Variants in VIPR2 observed in about 807,000 individuals in gnomAD.
The protein encoded by VIPR2 is vasoactive intestinal peptide receptor 2, also known as vasoactive intestinal polypeptide receptor 2.
Under a neutral mutation model 58.0 loss-of-function variants are expected in VIPR2, and 48 were observed. The observed-to-expected ratio is 0.83, with a 90% CI of 0.66 to 1.05. The LOEUF (loss-of-function observed/expected upper bound fraction) is 1.05, where lower values mean the gene tolerates loss of function less well. VIPR2 is among the 50% of genes least tolerant of loss of function. The pLI is 0.00. For missense variants in VIPR2, 534 were observed against 558.0 expected (o/e 0.96, Z 0.43); for synonymous variants, 243 against 235.2 (o/e 1.03, Z -0.30).
chr7:159,048,801 G>T (rs1375184585), intron 5 of VIPR2, among the ~76,000 whole-genome samples: 1 of 152,044 alleles, frequency 6.6e-6, no homozygotes, highest in Admixed American at 6.5e-5. Flanking sequence ...TCCTCTTTGG[G>T]CTGGCACCTG....
At chr7:159,125,821 C>G (rs1001544386) in intron 2 of VIPR2, among the ~76,000 whole-genome samples, 22 of 152,106 alleles carry the variant, frequency 1.4e-4, no homozygotes, top group Admixed American at 2.6e-4. Context: ...GAGCAAGGGC[C>G]CCACGGTGTC....
At chr7:159,073,510 C>T (rs939866998) in intron 4 of VIPR2, among the ~76,000 whole-genome samples, 14 of 152,138 alleles carry the variant, frequency 9.2e-5, no homozygotes, top group East Asian at 3.9e-4. Context: ...CTCTGCCTCC[C>T]GGGTTCAAGT....
chr7:159,082,778 CCAGACAGACTTGCAGACAGG>C (rs962040104), intron 4 of VIPR2, among the ~76,000 whole-genome samples: 23 of 151,848 alleles, frequency 1.5e-4, no homozygotes, highest in Non-Finnish European at 3.2e-4. Flanking sequence ...AGGCAGAAAG[CCAGACAGACTTGCAGACAGG>C]CAGACAGACA....
intron 10 of VIPR2, among the ~76,000 whole-genome samples, chr7:159,033,321 C>A (rs1853704487): frequency 6.6e-6 from 1 of 152,224 alleles, no homozygotes; most frequent in African/African-American, 2.4e-5. Context: ...GCAGGCCAGG[C>A]ACCCTCCTAG....
intron 2 of VIPR2, among the ~76,000 whole-genome samples, chr7:159,139,294 C>T (rs532034765): frequency 3.3e-5 from 5 of 152,190 alleles, no homozygotes; most frequent in Non-Finnish European, 7.4e-5. Context: ...TGGGGGTTTC[C>T]TAAGCCAGTT....
Position 159,036,837 on chromosome 7 carries a change from C to T in VIPR2, c.663G>A (p.Leu221=). 2 of 1,614,002 alleles carry T rather than the reference C, an allele frequency of 1.2e-6. 1 individual carries two copies. Among genetic ancestry groups the T allele is most frequent in the South Asian group, 2.2e-5 (2 of 91,080 alleles). Residue 221 remains leucine, a synonymous_variant, in exon 7 of 13, where the codon CTG becomes CTA. Transcript: ENST00000262178. Reference sequence around the variant, plus strand: ...GGGTGTGGAGGTAGAGCCCCTCCACCAGCAGCCAGAAGAAGTTGGCCATGA... The same window carrying T: ...GGGTGTGGAGGTAGAGCCCCTCCACTAGCAGCCAGAAGAAGTTGGCCATGA... ...YCIMANFFWL[L]VEGLYLHTLL...
rs534180432 is a variant in VIPR2, at chr7:159,096,366, C to T, written c.357+7391G>A. On this transcript the variant is annotated intron_variant, in intron 4 of 12. Transcript: ENST00000262178. This position sits in a 1 kb window ranked among gnomAD's most constrained non-coding sequence, Gnocchi z 5.5. ...CATCGGCCAGCTCCATGCCCAGAAG[C>T]GCCTGGCGCACCGCTGTGTTTCCTA... Among the ~76,000 whole-genome samples, 190 of 152,344 alleles carry T rather than the reference C, an allele frequency of 1.2e-3. No homozygotes were observed. The highest frequency in any genetic ancestry group is 2.3e-3 in the Non-Finnish European group (159 of 68,030).
At chr7:159,142,212 A>C (rs1303717626) in intron 2 of VIPR2, among the ~76,000 whole-genome samples, 1 of 152,240 alleles carries the variant, frequency 6.6e-6, no homozygotes, top group Non-Finnish European at 1.5e-5. Context: ...CAAACCATGG[A>C]AACTGTTACT....
At chr7:159,061,819 C>G (rs1352837269) in intron 4 of VIPR2, among the ~76,000 whole-genome samples, 4 of 152,086 alleles carry the variant, frequency 2.6e-5, no homozygotes, top group Non-Finnish European at 5.9e-5. Flanking sequence ...GAGGGCGAGC[C>G]GCGGCGGAGT....
chr7:159,086,006 G>C (rs1445932984), intron 4 of VIPR2, among the ~76,000 whole-genome samples: 4 of 152,178 alleles, frequency 2.6e-5, no homozygotes, highest in African/African-American at 9.7e-5. Flanking sequence ...AGGGACTTCA[G>C]TTAACAACAA....
intron 1 of VIPR2, among the ~76,000 whole-genome samples, chr7:159,143,993 C>G (rs1797581798): frequency 6.6e-6 from 1 of 152,230 alleles, no homozygotes. Context: ...CTCCCAGCTG[C>G]GGAGGGGCCG....
chr7:159,091,098 G>A (rs1044725652), intron 4 of VIPR2, among the ~76,000 whole-genome samples: 1 of 152,242 alleles, frequency 6.6e-6, no homozygotes, highest in African/African-American at 2.4e-5. Flanking sequence ...ACACACAGAG[G>A]CCACTTCCTG....
intron 10 of VIPR2, 71 bp from the exon 11 acceptor site, chr7:159,032,138 C>A: frequency 6.3e-7 from 1 of 1,589,502 alleles, no homozygotes. Context: ...CTGGGTCCTT[C>A]TCAGGAGGGG....
intron 4 of VIPR2, among the ~76,000 whole-genome samples, chr7:159,069,740 A>T (rs1309315324): frequency 6.6e-6 from 1 of 152,022 alleles, no homozygotes; most frequent in African/African-American, 2.4e-5. Flanking sequence ...TTTTCCCCCC[A>T]AATAAGGGAA....
In VIPR2 at chr7:159,035,850, C is replaced by T. The variant is rs1022046612; in HGVS notation, c.809+102G>A. 2.0e-6 allele frequency: 3 copies of T among 1,506,476 alleles called. No individual in the cohort carries two copies. The African/African-American group carries it at 4.2e-5, about 21-fold the overall frequency. The allele number at this position is 1,506,476 out of a possible 1,614,324, so 93.3% of individuals were successfully genotyped here. On this transcript the variant is annotated intron_variant, in intron 8 of 12. Coordinates refer to ENST00000262178, the MANE Select transcript of VIPR2 (RefSeq NM_003382.5). ...TGGCTGTCGGTTGGCCGCAAACGCT[C>T]CCTGTCCTTCCAACCAGGTAACCTT...
At chr7:159,091,548 T>G (rs1331672238) in intron 4 of VIPR2, among the ~76,000 whole-genome samples, 2 of 152,206 alleles carry the variant, frequency 1.3e-5, no homozygotes, top group Non-Finnish European at 2.9e-5. Flanking sequence ...CTTGCCTGCT[T>G]TGCACATGCC....
In VIPR2 at chr7:159,097,149, G is replaced by A; in HGVS notation, c.357+6608C>T. On this transcript the variant is annotated intron_variant, in intron 4 of 12. Coordinates refer to ENST00000262178, the MANE Select transcript of VIPR2 (RefSeq NM_003382.5). The surrounding 1 kb of genome is among the most constrained non-coding windows in gnomAD (Gnocchi z 5.3). Reference sequence around the variant, plus strand: ...GGTGCCTCCCACAAAGGCATCTGCAGTGCCAGCTGCTGTGATCTTTGTCAC... The same window carrying A: ...GGTGCCTCCCACAAAGGCATCTGCAATGCCAGCTGCTGTGATCTTTGTCAC... 1 of 1,461,932 alleles carries A rather than the reference G, an allele frequency of 6.8e-7. No individual in the cohort carries two copies. The highest frequency in any genetic ancestry group is 9.1e-7 in the Non-Finnish European group (1 of 1,100,684). 90.6% of individuals were successfully genotyped at this position (1,461,932 alleles called of 1,614,324 possible). A position where few individuals can be genotyped will look rare whatever the true frequency, so the allele number is the denominator to read the frequency against.
chr7:159,056,296 A>G (rs986296210), intron 5 of VIPR2, among the ~76,000 whole-genome samples: 2 of 149,162 alleles, frequency 1.3e-5, no homozygotes, highest in Admixed American at 1.3e-4. Flanking sequence ...TTGCCCCTTC[A>G]GGACCCGTGG....
chr7:159,115,781 C>T (rs1303115206), intron 2 of VIPR2, among the ~76,000 whole-genome samples: 3 of 152,254 alleles, frequency 2.0e-5, no homozygotes, highest in Non-Finnish European at 4.4e-5. Context: ...GGAACTCAGG[C>T]TGGCAAAGCT....
Sources: gnomAD v4.1 joint callset for allele counts (sites outside exome capture counted in the v4.1 genomes callset) on GRCh38, gnomAD v4.1.1 for gene constraint, Gnocchi (gnomAD v3.1) non-coding constraint, MANE v1.5 for transcripts, NCBI Gene and HGNC (gene_info 2026-07-23, HGNC 2026-07-21) for gene names.